EPB41L4A: variants seen among roughly 807,000 people sequenced by gnomAD.
EPB41L4A encodes the protein erythrocyte membrane protein band 4.1 like 4A.
EPB41L4A carries 100 observed loss-of-function variants against 108.6 expected under a neutral mutation model. The observed-to-expected ratio is 0.92, with a 90% CI of 0.78 to 1.09. The LOEUF (loss-of-function observed/expected upper bound fraction) is 1.09, where lower values mean the gene tolerates loss of function less well. Ranked by LOEUF, EPB41L4A falls within the 50% of genes least tolerant of loss-of-function variation. EPB41L4A has a pLI of 0.00. For missense variants in EPB41L4A, 1,030 were observed against 842.7 expected, an observed-to-expected ratio of 1.22 and a Z score of -2.75; for synonymous variants, 319 against 289.0, an observed-to-expected ratio of 1.10 and a Z score of -1.05.
At chr5:112,398,147 T>C (rs758254016) in intron 1 of EPB41L4A, among the ~76,000 whole-genome samples, 6 of 152,184 alleles carry the variant, frequency 3.9e-5, no homozygotes, top group Admixed American at 6.5e-5. Flanking sequence ...AGATGGAAGG[T>C]AGTCTTAGAA....
chr5:112,269,752 T>C (rs1416882422), intron 4 of EPB41L4A, among the ~76,000 whole-genome samples: 1 of 152,224 alleles, frequency 6.6e-6, no homozygotes, highest in Admixed American at 6.5e-5. Flanking sequence ...GGAAAAATGC[T>C]AACTAAAAAT....
At chr5:112,288,464 A>C (rs965066091) in intron 2 of EPB41L4A, among the ~76,000 whole-genome samples, 2 of 152,198 alleles carry the variant, frequency 1.3e-5, no homozygotes, top group Non-Finnish European at 1.5e-5. Context: ...ACTTTTTATT[A>C]AAAAAGCAAG....
intron 12 of EPB41L4A, among the ~76,000 whole-genome samples, chr5:112,151,736 T>C (rs1224807424): frequency 6.6e-6 from 1 of 151,796 alleles, no homozygotes; most frequent in East Asian, 1.9e-4. Context: ...TTAGTCTTTT[T>C]TTTTTTCTTT....
chr5:112,245,399 T>C (rs188478632), intron 9 of EPB41L4A, among the ~76,000 whole-genome samples: 83 of 152,328 alleles, frequency 5.4e-4, no homozygotes, highest in African/African-American at 1.9e-3. Context: ...AAGGACAGAA[T>C]ATTTATATGT....
At chr5:112,372,847 C>A (rs1329916245) in intron 1 of EPB41L4A, among the ~76,000 whole-genome samples, 9 of 152,122 alleles carry the variant, frequency 5.9e-5, no homozygotes, top group African/African-American at 1.7e-4. Context: ...TACAGCAATT[C>A]AGGCAAGAGA....
At chr5:112,382,534 G>A (rs574920928) in intron 1 of EPB41L4A, among the ~76,000 whole-genome samples, 9 of 152,262 alleles carry the variant, frequency 5.9e-5, no homozygotes, top group South Asian at 2.1e-4. Flanking sequence ...AAATTCAAAC[G>A]TAGCTATTCA....
rs532616323 is a variant in EPB41L4A at position 112,261,108 on chromosome 5, G to A, written c.643-1129C>T. ...TGGCTAAAGGGAGGGAAGGTAAAAC[G>A]ATAATGATTCTACAGTTTTAGCAGT... On this transcript the variant is annotated intron_variant, in intron 7 of 22. Coordinates refer to ENST00000261486, the MANE Select transcript of EPB41L4A (RefSeq NM_022140.5). 7.0e-4 allele frequency among the ~76,000 whole-genome samples: 107 copies of A among 152,250 alleles called. 1 individual carries two copies. The highest frequency in any genetic ancestry group is 2.5e-3 in the African/African-American group (105 of 41,552).
At chr5:112,310,803 G>A (rs1158393200) in intron 1 of EPB41L4A, among the ~76,000 whole-genome samples, 3 of 152,068 alleles carry the variant, frequency 2.0e-5, no homozygotes, top group African/African-American at 7.2e-5. Context: ...GGTGGAGGCA[G>A]GAATCAGGCT....
intron 1 of EPB41L4A, among the ~76,000 whole-genome samples, chr5:112,382,183 T>G (rs1198144032): frequency 6.6e-6 from 1 of 152,196 alleles, no homozygotes; most frequent in East Asian, 1.9e-4. Flanking sequence ...GCTCTTTCCT[T>G]TAATCTATTT....
intron 2 of EPB41L4A, among the ~76,000 whole-genome samples, chr5:112,294,595 G>T (rs1753873238): frequency 6.6e-6 from 1 of 152,064 alleles, no homozygotes; most frequent in South Asian, 2.1e-4. Context: ...ACACTCTGTG[G>T]ATGGTAATGA....
At chr5:112,323,090 TCAAA>T (rs1177392231) in intron 1 of EPB41L4A, among the ~76,000 whole-genome samples, 1 of 151,970 alleles carries the variant, frequency 6.6e-6, no homozygotes, top group Non-Finnish European at 1.5e-5. Flanking sequence ...TTCTGAAAGA[TCAAA>T]CAAACATTGT....
intron 1 of EPB41L4A, among the ~76,000 whole-genome samples, chr5:112,369,343 C>T (rs932268928): frequency 1.5e-4 from 23 of 152,198 alleles, no homozygotes; most frequent in Non-Finnish European, 8.8e-5. Context: ...CTAGTTTAAG[C>T]CCACTCATTT....
Position 112,404,943 on chromosome 5 carries a change from G to A in EPB41L4A, c.99+13998C>T, listed in dbSNP as rs75514700. Among the ~76,000 whole-genome samples the A allele has an allele frequency of 1.6e-4, 25 of 152,232 alleles. No individual in the cohort carries two copies. The East Asian group carries it at 4.8e-3, about 29-fold the overall frequency. On this transcript the variant is annotated intron_variant, in intron 1 of 22. Transcript: ENST00000261486. ...AAGGCCTCACTTTCAACTTTCAGGA[G>A]GCCAAATCTCTTCTCCAAATCTAAA...
intron 1 of EPB41L4A, among the ~76,000 whole-genome samples, chr5:112,396,787 C>A (rs921952526): frequency 6.6e-6 from 1 of 152,184 alleles, no homozygotes; most frequent in African/African-American, 2.4e-5. Context: ...ATAATCTAGT[C>A]TCCAAAGCAA....
chr5:112,339,488 A>T (rs28535439), intron 1 of EPB41L4A, among the ~76,000 whole-genome samples: 1 of 51,938 alleles, frequency 1.9e-5, no homozygotes, highest in African/African-American at 6.3e-5. Context: ...ATATATATAT[A>T]TATATATCTA....
chr5:112,264,809 AT>A, intron 6 of EPB41L4A, 86 bp downstream of exon 6: 3 of 1,347,048 alleles, frequency 2.2e-6, no homozygotes, highest in Non-Finnish European at 3.0e-6. Flanking sequence ...CAGGTGAAGA[AT>A]TTATCATTCT....
chr5:112,211,572 A>G (rs1762746091), intron 12 of EPB41L4A, among the ~76,000 whole-genome samples: 1 of 150,072 alleles, frequency 6.7e-6, no homozygotes, highest in African/African-American at 2.5e-5. Flanking sequence ...CTGGCTACAG[A>G]GCGAGACTCC....
intron 1 of EPB41L4A, chr5:112,392,758 AC>A (rs756485477): frequency 9.2e-5 from 14 of 152,148 alleles, no homozygotes; most frequent in Non-Finnish European, 4.4e-5. Context: ...CATCTACAGA[AC>A]TCTCCACCCC....
intron 1 of EPB41L4A, among the ~76,000 whole-genome samples, chr5:112,413,207 C>CA (rs1762513304): frequency 6.6e-6 from 1 of 152,152 alleles, no homozygotes; most frequent in South Asian, 2.1e-4. Flanking sequence ...TTGGTACTTA[C>CA]AAAATACAAA....
Sources: gnomAD v4.1 joint callset for allele counts (sites outside exome capture counted in the v4.1 genomes callset) on GRCh38, gnomAD v4.1.1 for gene constraint, MANE v1.5 for transcripts, NCBI Gene and HGNC (gene_info 2026-07-23, HGNC 2026-07-21) for gene names.